Variants in GRID2 observed in about 807,000 individuals in gnomAD.
GRID2 encodes the protein glutamate receptor ionotropic, delta-2.
Under a neutral mutation model 114.8 loss-of-function variants are expected in GRID2, and 33 were observed. That is an observed-to-expected ratio of 0.29 (90% confidence interval 0.22 to 0.38). The LOEUF is 0.38. Among genes scored for constraint, GRID2 ranks in the 10% least tolerant of loss-of-function variants. The pLI is 1.00. For synonymous variants in GRID2, 505 were observed against 449.9 expected (o/e 1.12, Z -1.55); for missense variants, 1,184 against 1,257.7 (o/e 0.94, Z 0.89).
chr4:93,023,121 GTGTGTA>G (rs1280562033), intron 2 of GRID2, among the ~76,000 whole-genome samples: 7 of 150,310 alleles, frequency 4.7e-5, no homozygotes, highest in Non-Finnish European at 1.5e-5. Flanking sequence ...GTGTGTGTGT[GTGTGTA>G]TGTATGTGTG....
intron 2 of GRID2, among the ~76,000 whole-genome samples, chr4:93,018,985 G>A (rs746490359): frequency 5.9e-5 from 9 of 152,246 alleles, no homozygotes; most frequent in Non-Finnish European, 1.3e-4. Flanking sequence ...TGCATATTTA[G>A]TAGTATTTTA....
intron 2 of GRID2, among the ~76,000 whole-genome samples, chr4:92,600,661 CG>C (rs1729179192): frequency 6.6e-6 from 1 of 152,106 alleles, no homozygotes; most frequent in African/African-American, 2.4e-5. Flanking sequence ...GTGGTTTGCT[CG>C]GGGTCCACTT....
intron 1 of GRID2, among the ~76,000 whole-genome samples, chr4:92,480,703 C>T (rs1199687521): frequency 6.6e-6 from 1 of 152,102 alleles, no homozygotes; most frequent in African/African-American, 2.4e-5. Flanking sequence ...AAGGCTCTAA[C>T]CTTAATTGCA....
chr4:92,872,432 A>G (rs1209991060), intron 2 of GRID2, among the ~76,000 whole-genome samples: 1 of 152,190 alleles, frequency 6.6e-6, no homozygotes. Context: ...CCTTAATTAT[A>G]TACTGCATAT....
chr4:92,370,372 C>G (rs1313229485), intron 1 of GRID2, among the ~76,000 whole-genome samples: 1 of 152,092 alleles, frequency 6.6e-6, no homozygotes, highest in Non-Finnish European at 1.5e-5. Context: ...GACCAATTGG[C>G]CGGGCACAGT....
At chr4:93,080,500 A>C (rs895104426) in intron 2 of GRID2, among the ~76,000 whole-genome samples, 1 of 152,218 alleles carries the variant, frequency 6.6e-6, no homozygotes, top group Non-Finnish European at 1.5e-5. Context: ...TATTCAGGTA[A>C]CATTTCATAA....
At chr4:93,404,910 A>G (rs1766259833) in intron 9 of GRID2, among the ~76,000 whole-genome samples, 1 of 152,152 alleles carries the variant, frequency 6.6e-6, no homozygotes, top group Non-Finnish European at 1.5e-5. Flanking sequence ...ATGAAATTGA[A>G]ATACAGAAAA....
chr4:92,682,964 G>C lies in GRID2; in HGVS notation c.244+92678G>C, dbSNP rs75688137. Among the ~76,000 whole-genome samples, 47 of 152,096 alleles carry C rather than the reference G, an allele frequency of 3.1e-4. No homozygotes were observed. In the South Asian group the frequency reaches 9.8e-3, roughly 32 times the overall value. On this transcript the variant is annotated intron_variant, in intron 2 of 15. Transcript: ENST00000282020. ...AAACTGATATGAAAAATAACAAATT[G>C]GTTCTGTTACATTCTCCAGCATCTT...
chr4:92,640,465 A>G (rs529751134), intron 2 of GRID2, among the ~76,000 whole-genome samples: 11 of 152,056 alleles, frequency 7.2e-5, no homozygotes, highest in African/African-American at 1.4e-4. Flanking sequence ...ACGTAAAATC[A>G]TAGGTCAAAC....
chr4:93,414,574 G>A (rs903112286), intron 9 of GRID2, among the ~76,000 whole-genome samples: 1 of 151,854 alleles, frequency 6.6e-6, no homozygotes, highest in Non-Finnish European at 1.5e-5. Flanking sequence ...TCTGAATGCT[G>A]TTTCTACAGA....
intron 14 of GRID2, among the ~76,000 whole-genome samples, chr4:93,736,340 A>G (rs1352439242): frequency 6.7e-6 from 1 of 148,352 alleles, no homozygotes; most frequent in Non-Finnish European, 1.5e-5. Context: ...TTCATATCAT[A>G]CTTGTAACAA....
chr4:92,706,396 CAT>C (rs1324886355), intron 2 of GRID2, among the ~76,000 whole-genome samples: 4 of 152,062 alleles, frequency 2.6e-5, no homozygotes, highest in Admixed American at 6.5e-5. Flanking sequence ...TAATAAATGT[CAT>C]GTGTATGGAG....
intron 8 of GRID2, among the ~76,000 whole-genome samples, chr4:93,314,287 T>A (rs1756337799): frequency 8.8e-6 from 1 of 114,166 alleles, no homozygotes; most frequent in African/African-American, 3.6e-5. Flanking sequence ...CTGGGTGACA[T>A]CGTGAGAGTC....
intron 14 of GRID2, among the ~76,000 whole-genome samples, chr4:93,679,249 C>A (rs1421329059): frequency 6.6e-6 from 1 of 151,034 alleles, no homozygotes; most frequent in Non-Finnish European, 1.5e-5. Flanking sequence ...ATATAGGCAC[C>A]CAATACAGGA....
chr4:93,715,157 A>C (rs933423446), intron 14 of GRID2, among the ~76,000 whole-genome samples: 1 of 152,166 alleles, frequency 6.6e-6, no homozygotes, highest in African/African-American at 2.4e-5. Flanking sequence ...ATGGCTAACC[A>C]GTTCTTCCAG....
At chr4:93,592,475 A>T (rs1738477986) in intron 13 of GRID2, among the ~76,000 whole-genome samples, 1 of 152,068 alleles carries the variant, frequency 6.6e-6, no homozygotes, top group Non-Finnish European at 1.5e-5. Context: ...CTTTACTTCC[A>T]AGTATGTGGT....
chr4:93,802,681 A>G (rs1442809694), intron 1 of GRID2, among the ~76,000 whole-genome samples: 1 of 152,168 alleles, frequency 6.6e-6, no homozygotes. Flanking sequence ...TAAGATTTTT[A>G]ATTTCTACTT....
At chr4:93,449,252 C>T (rs1447920499) in intron 10 of GRID2, among the ~76,000 whole-genome samples, 3 of 151,740 alleles carry the variant, frequency 2.0e-5, no homozygotes, top group Non-Finnish European at 4.4e-5. Context: ...AAATGTGTGC[C>T]AAAACTCTTC....
intron 2 of GRID2, among the ~76,000 whole-genome samples, chr4:92,746,964 A>G (rs936133338): frequency 6.6e-5 from 10 of 152,098 alleles, no homozygotes; most frequent in Admixed American, 1.3e-4. Context: ...TAACACGTCA[A>G]TGTTGGAAAG....
Sources: gnomAD v4.1 joint callset for allele counts (sites outside exome capture counted in the v4.1 genomes callset) on GRCh38, gnomAD v4.1.1 for gene constraint, MANE v1.5 for transcripts, NCBI Gene and HGNC (gene_info 2026-07-23, HGNC 2026-07-21) for gene names.